The following PDE11A variants were observed in gnomAD, a reference collection of about 807,000 sequenced individuals.
The protein encoded by PDE11A is phosphodiesterase 11A, also known as dual 3',5'-cyclic-AMP and -GMP phosphodiesterase 11A.
PDE11A carries 100 observed loss-of-function variants against 100.5 expected under a neutral mutation model. The ratio of observed to expected loss-of-function variants is 1.00; its 90% confidence interval spans 0.85 to 1.18. PDE11A has a LOEUF of 1.18. Among genes scored for constraint, PDE11A ranks in the 50% most tolerant of loss-of-function variants. The pLI, the probability that PDE11A is intolerant of heterozygous loss-of-function variation, is 0.00. For synonymous variants in PDE11A, 381 were observed against 420.8 expected (o/e 0.91, Z 1.16); for missense variants, 1,141 against 1,152.6 (o/e 0.99, Z 0.15).
chr2:177,642,984 C>T (rs2080166389), intron 19 of PDE11A, among the ~76,000 whole-genome samples: 1 of 152,206 alleles, frequency 6.6e-6, no homozygotes, highest in South Asian at 2.1e-4. Context: ...ATGTGACTTC[C>T]TCCTCCTTGT....
At chr2:178,079,082 T>G (rs16866058) in intron 2 of PDE11A, among the ~76,000 whole-genome samples, 1 of 152,338 alleles carries the variant, frequency 6.6e-6, no homozygotes, top group East Asian at 1.9e-4. Flanking sequence ...ATTGAGAGTA[T>G]AGACCTACTA....
rs1491246368 is a variant in PDE11A, at chr2:177,631,551, A to AGGGTG, written c.2647-1990_2647-1989insCACCC. On this transcript the variant is annotated intron_variant, in intron 19 of 19. Coordinates refer to ENST00000286063, the MANE Select transcript of PDE11A (RefSeq NM_016953.4). ...TATATATATATATATATATATACAC[A>AGGGTG]TGTATATATATATATATACATGTAT... 6.7e-5 allele frequency among the ~76,000 whole-genome samples: 2 copies of AGGGTG among 29,662 alleles called. 1 individual carries two copies. The highest frequency in any genetic ancestry group is 1.2e-4 in the Non-Finnish European group (2 of 16,524). The allele number at this position is 29,662 out of a possible 152,430, so 19.5% of individuals were successfully genotyped here.
In PDE11A at chr2:177,710,457, A is replaced by C. The variant is rs566941861; in HGVS notation, c.2153+1312T>G. ...GGGGAATGGGGCTGGCTAGGGACAC[A>C]GAAAGACTGGCAGCGAGTTCTAGCG... On this transcript the variant is annotated intron_variant, in intron 13 of 19. Coordinates refer to ENST00000286063, the MANE Select transcript of PDE11A (RefSeq NM_016953.4). Among the ~76,000 whole-genome samples the C allele has an allele frequency of 8.5e-5, 13 of 152,334 alleles. No homozygotes were observed. The East Asian group carries it at 2.3e-3, about 27-fold the overall frequency.
chr2:177,925,974 C>T (rs762518157), intron 2 of PDE11A, among the ~76,000 whole-genome samples: 1 of 152,210 alleles, frequency 6.6e-6, no homozygotes, highest in African/African-American at 2.4e-5. Flanking sequence ...AGCCTGGGTT[C>T]TGTCACAGTC....
chr2:177,813,568 A>G (rs2082985001), intron 9 of PDE11A, among the ~76,000 whole-genome samples: 1 of 152,086 alleles, frequency 6.6e-6, no homozygotes, highest in South Asian at 2.1e-4. Flanking sequence ...ATATATATGG[A>G]GAATATTTAC....
Position 177,859,690 on chromosome 2 carries a change from A to G in PDE11A, c.1367+16169T>C, listed in dbSNP as rs944908303. On this transcript the variant is annotated intron_variant, in intron 5 of 19. Transcript: ENST00000286063. ...TATATATTTTAAGAGCACAAGAAGC[A>G]TTCCCTAGGATAGCCCATACTTTAG... Among the ~76,000 whole-genome samples, 8 of 151,968 alleles carry G rather than the reference A, an allele frequency of 5.3e-5. No individual in the cohort carries two copies. The East Asian group carries it at 5.8e-4, about 11-fold the overall frequency.
chr2:177,641,956 G>T (rs1452972248), intron 19 of PDE11A, among the ~76,000 whole-genome samples: 2 of 152,176 alleles, frequency 1.3e-5, no homozygotes, highest in South Asian at 2.1e-4. Flanking sequence ...ACCCGTTTTA[G>T]AGAGGAGAAA....
At chr2:177,689,960 G>C (rs1019359754) in intron 15 of PDE11A, among the ~76,000 whole-genome samples, 7 of 152,178 alleles carry the variant, frequency 4.6e-5, no homozygotes, top group African/African-American at 1.7e-4. Flanking sequence ...GCTAGATGTT[G>C]CTGCCTTCTC....
At chr2:177,785,198 C>T (rs2082514786) in intron 9 of PDE11A, among the ~76,000 whole-genome samples, 1 of 152,072 alleles carries the variant, frequency 6.6e-6, no homozygotes, top group Non-Finnish European at 1.5e-5. Flanking sequence ...AATATATGCA[C>T]TTTTCAATCA....
In PDE11A at chr2:177,986,830, C is replaced by CAA. The variant is rs57382231; in HGVS notation, c.1071+27470_1071+27471dup. 1.2e-3 allele frequency among the ~76,000 whole-genome samples: 109 copies of CAA among 94,662 alleles called. 1 individual carries two copies. Among genetic ancestry groups the CAA allele is most frequent in the African/African-American group, 2.5e-3 (64 of 25,102 alleles). 62.1% of individuals were successfully genotyped at this position (94,662 alleles called of 152,430 possible). On this transcript the variant is annotated intron_variant, in intron 2 of 19. Coordinates refer to ENST00000286063, the MANE Select transcript of PDE11A (RefSeq NM_016953.4). ...TAGGCAACAGAGTGAGACTCCATCT[C>CAA]AAAAAAAAAAAAAAAGAATGGGGAT... is the stretch of plus-strand genomic sequence containing the variant.
chr2:177,840,053 G>A (rs905798660), intron 6 of PDE11A, among the ~76,000 whole-genome samples, 198 bp downstream of exon 6: 1 of 152,110 alleles, frequency 6.6e-6, no homozygotes, highest in Non-Finnish European at 1.5e-5. Flanking sequence ...TCAGACTAAG[G>A]ATAACCATCT....
intron 10 of PDE11A, among the ~76,000 whole-genome samples, chr2:177,748,400 T>G (rs2081982846): frequency 6.6e-6 from 1 of 152,148 alleles, no homozygotes; most frequent in Non-Finnish European, 1.5e-5. Context: ...ATGAATCAAG[T>G]CGTATTTCTC....
rs78207734 is a variant in PDE11A at position 177,749,714 on chromosome 2, G to A, written c.1788+19609C>T. On this transcript the variant is annotated intron_variant, in intron 10 of 19. Transcript: ENST00000286063. ...GTGCTCAACTAATGATAGTAATAAT[G>A]GTAATACAAATTATTATTATTATTT... Among the ~76,000 whole-genome samples the A allele has an allele frequency of 1.8e-3, 277 of 151,926 alleles. 1 individual carries two copies. Among genetic ancestry groups the A allele is most frequent in the African/African-American group, 6.5e-3 (268 of 41,416 alleles).
rs1237405562 is a variant in PDE11A at position 177,998,047 on chromosome 2, G to A, written c.1071+16255C>T. ...AGAGAAGAAGGGTACTGCCTGCTGA[G>A]TGCACTGTAAGAGCCTGCCCACACA... is the stretch of plus-strand genomic sequence containing the variant. On this transcript the variant is annotated intron_variant, in intron 2 of 19. Coordinates refer to ENST00000286063, the MANE Select transcript of PDE11A (RefSeq NM_016953.4). 7.9e-6 allele frequency: 10 copies of A among 1,269,850 alleles called. No individual in the cohort carries two copies. In the East Asian group the frequency reaches 2.1e-4, roughly 26 times the overall value. The allele number at this position is 1,269,850 out of a possible 1,614,324, so 78.7% of individuals were successfully genotyped here.
chr2:177,931,130 T>C (rs2085200149), intron 2 of PDE11A, among the ~76,000 whole-genome samples: 1 of 152,062 alleles, frequency 6.6e-6, no homozygotes. Context: ...CACTCCAGCC[T>C]GGACAACAAG....
chr2:177,715,941 G>A (rs1307429660), intron 12 of PDE11A, among the ~76,000 whole-genome samples: 3 of 152,152 alleles, frequency 2.0e-5, no homozygotes, highest in Non-Finnish European at 2.9e-5. Context: ...GTCTTATCAC[G>A]GGGTGACTGT....
chr2:178,028,843 A>G (rs889507906), intron 1 of PDE11A, among the ~76,000 whole-genome samples: 3 of 152,136 alleles, frequency 2.0e-5, no homozygotes, highest in Admixed American at 6.6e-5. Context: ...ATAAATCTCA[A>G]TTCATTTCTG....
intron 2 of PDE11A, among the ~76,000 whole-genome samples, chr2:178,007,366 G>A (rs1287768166): frequency 6.6e-6 from 1 of 152,122 alleles, no homozygotes; most frequent in Admixed American, 6.5e-5. Flanking sequence ...GTAAACAGTT[G>A]GATGGATTAT....
At chr2:177,736,664 T>C (rs1442097692) in intron 10 of PDE11A, among the ~76,000 whole-genome samples, 1 of 152,132 alleles carries the variant, frequency 6.6e-6, no homozygotes, top group African/African-American at 2.4e-5. Context: ...TGGATGCACC[T>C]AGCAAAGGAC....
Sources: gnomAD v4.1 joint callset for allele counts (sites outside exome capture counted in the v4.1 genomes callset) on GRCh38, gnomAD v4.1.1 for gene constraint, MANE v1.5 for transcripts, NCBI Gene and HGNC (gene_info 2026-07-23, HGNC 2026-07-21) for gene names.